The following CREB5 variants were observed in gnomAD, a reference collection of about 807,000 sequenced individuals.
CREB5 encodes the protein cAMP responsive element binding protein 5.
In CREB5, 19 loss-of-function variants were observed where a neutral mutation model predicts 57.1. The observed-to-expected ratio is 0.33, with a 90% CI of 0.23 to 0.49. The LOEUF (loss-of-function observed/expected upper bound fraction) is 0.49, where lower values mean the gene tolerates loss of function less well. Ranked by LOEUF, CREB5 falls within the 20% of genes least tolerant of loss-of-function variation. The pLI is 0.99. For missense variants in CREB5, 579 were observed against 671.6 expected (o/e 0.86, Z 1.52); for synonymous variants, 238 against 238.3 (o/e 1.00, Z 0.01).
chr7:28,317,662 A>G (rs1785408832), intron 1 of CREB5, among the ~76,000 whole-genome samples: 1 of 152,096 alleles, frequency 6.6e-6, no homozygotes, highest in Admixed American at 6.6e-5. Flanking sequence ...TTCTTCCTTC[A>G]TTGTGTTGAG....
chr7:28,607,942 G>A (rs933714994), intron 5 of CREB5, among the ~76,000 whole-genome samples: 12 of 151,902 alleles, frequency 7.9e-5, no homozygotes, highest in Admixed American at 6.6e-5. Context: ...TTTGCCCTTC[G>A]AAACAAACAC....
At chr7:28,651,429 C>T (rs1799123964) in intron 5 of CREB5, among the ~76,000 whole-genome samples, 1 of 150,024 alleles carries the variant, frequency 6.7e-6, no homozygotes, top group South Asian at 2.2e-4. Flanking sequence ...CTTAAATGAA[C>T]TTGAAACACA....
chr7:28,500,402 G>A (rs758901026), intron 3 of CREB5, among the ~76,000 whole-genome samples: 2 of 152,302 alleles, frequency 1.3e-5, no homozygotes, highest in South Asian at 4.1e-4. Flanking sequence ...TTGAGCTGAC[G>A]CTGAAGAGAG....
chr7:28,787,944 G>A (rs1361066585), intron 7 of CREB5, among the ~76,000 whole-genome samples: 1 of 152,188 alleles, frequency 6.6e-6, no homozygotes, highest in Non-Finnish European at 1.5e-5. Flanking sequence ...GAGAGGATAT[G>A]TCACAAAGAC....
intron 7 of CREB5, among the ~76,000 whole-genome samples, chr7:28,758,527 GAC>G (rs1467021478): frequency 6.6e-6 from 1 of 152,184 alleles, no homozygotes; most frequent in Non-Finnish European, 1.5e-5. Flanking sequence ...AATTCAGTGA[GAC>G]AGATCAAACC....
At chr7:28,684,766 C>T (rs1296158291) in intron 5 of CREB5, among the ~76,000 whole-genome samples, 1 of 152,176 alleles carries the variant, frequency 6.6e-6, no homozygotes, top group Admixed American at 6.5e-5. Context: ...AGCTTCATGC[C>T]TTTCTTCTGC....
At chr7:28,325,470 AT>A (rs1403880796) in intron 1 of CREB5, among the ~76,000 whole-genome samples, 2 of 146,260 alleles carry the variant, frequency 1.4e-5, no homozygotes, top group Non-Finnish European at 3.0e-5. Context: ...AAAAAAAAAA[AT>A]GTAAATCAAA....
At chr7:28,741,930 G>A (rs989757843) in intron 7 of CREB5, among the ~76,000 whole-genome samples, 1 of 151,920 alleles carries the variant, frequency 6.6e-6, no homozygotes, top group East Asian at 1.9e-4. Context: ...GCCAGGCGTG[G>A]TGGTGTGCGC....
At chr7:28,672,536 A>T (rs769474856) in intron 5 of CREB5, among the ~76,000 whole-genome samples, 19 of 152,206 alleles carry the variant, frequency 1.2e-4, no homozygotes, top group Admixed American at 3.3e-4. Context: ...GGCTCTGATA[A>T]ACTCTGATTG....
intron 7 of CREB5, among the ~76,000 whole-genome samples, chr7:28,733,431 T>A (rs566726110): frequency 3.1e-3 from 474 of 152,232 alleles, no homozygotes; most frequent in African/African-American, 0.011. Context: ...CAGGACCCCC[T>A]CTCAGGAGCC....
intron 5 of CREB5, among the ~76,000 whole-genome samples, chr7:28,662,797 C>T (rs1799661382): frequency 6.6e-6 from 1 of 152,088 alleles, no homozygotes; most frequent in Non-Finnish European, 1.5e-5. Flanking sequence ...GTCAGCTTTA[C>T]TATTTAGTAC....
intron 7 of CREB5, among the ~76,000 whole-genome samples, chr7:28,800,622 G>T (rs1808306548): frequency 6.6e-6 from 1 of 152,208 alleles, no homozygotes; most frequent in Non-Finnish European, 1.5e-5. Context: ...GGGAGATGAA[G>T]ATGCTGAGCC....
intron 1 of CREB5, among the ~76,000 whole-genome samples, chr7:28,381,499 G>A (rs182058627): frequency 1.2e-3 from 180 of 152,282 alleles, no homozygotes; most frequent in African/African-American, 3.9e-3. Flanking sequence ...TTCTCATAGG[G>A]TTGGCATAGA....
chr7:28,429,630 G>A (rs1788638106), intron 1 of CREB5, among the ~76,000 whole-genome samples: 4 of 152,142 alleles, frequency 2.6e-5, no homozygotes, highest in Admixed American at 2.6e-4. Context: ...GGCTGTGATT[G>A]GGGGTGGAAT....
At chr7:28,337,415 A>G (rs1301197518) in intron 1 of CREB5, among the ~76,000 whole-genome samples, 2 of 151,944 alleles carry the variant, frequency 1.3e-5, no homozygotes, top group African/African-American at 4.8e-5. Context: ...GTTATATCCT[A>G]TTGCTGAATT....
intron 4 of CREB5, among the ~76,000 whole-genome samples, chr7:28,520,171 T>G (rs1793145107): frequency 6.6e-6 from 1 of 152,244 alleles, no homozygotes; most frequent in Admixed American, 6.5e-5. Context: ...AAGTAGGTAC[T>G]ACTTCAATAG....
intron 4 of CREB5, among the ~76,000 whole-genome samples, chr7:28,567,654 G>A (rs1795535434): frequency 6.6e-6 from 1 of 152,214 alleles, no homozygotes; most frequent in South Asian, 2.1e-4. Flanking sequence ...GGGCAGGAAA[G>A]GTTTGCCTAC....
At chr7:28,456,143 A>G (rs970492021) in intron 1 of CREB5, among the ~76,000 whole-genome samples, 6 of 152,160 alleles carry the variant, frequency 3.9e-5, no homozygotes, top group Non-Finnish European at 7.4e-5. Context: ...TGCTGACTTA[A>G]TTTTCCTAAG....
chr7:28,659,260 T>C (rs993775121), intron 5 of CREB5, among the ~76,000 whole-genome samples: 1 of 152,078 alleles, frequency 6.6e-6, no homozygotes, highest in African/African-American at 2.4e-5. Flanking sequence ...TTGGTTCCTG[T>C]GGCACTTCAG....
Sources: gnomAD v4.1 joint callset for allele counts (sites outside exome capture counted in the v4.1 genomes callset) on GRCh38, gnomAD v4.1.1 for gene constraint, MANE v1.5 for transcripts, NCBI Gene and HGNC (gene_info 2026-07-23, HGNC 2026-07-21) for gene names.